Variants in SEC24D observed in about 807,000 individuals in gnomAD.
SEC24D encodes protein transport protein Sec24D.
A neutral mutation model predicts 116.9 loss-of-function variants in SEC24D; 69 were observed. That is an observed-to-expected ratio of 0.59 (90% CI 0.49 to 0.72). The LOEUF (loss-of-function observed/expected upper bound fraction) is 0.72, where lower values mean the gene tolerates loss of function less well. Among genes scored for constraint, SEC24D ranks in the 30% least tolerant of loss-of-function variants. SEC24D has a pLI of 0.00. For missense variants in SEC24D, 1,131 were observed against 1,264.1 expected (o/e 0.89, Z 1.60); for synonymous variants, 405 against 442.8 (o/e 0.91, Z 1.07).
chr4:118,819,951 C>CT (rs1730326751), intron 3 of SEC24D, among the ~76,000 whole-genome samples: 1 of 152,206 alleles, frequency 6.6e-6, no homozygotes, highest in Admixed American at 6.5e-5. Context: ...GATTCAGTGC[C>CT]TAACATATAC....
chr4:118,762,795 G>GTTCC (rs2110468233), intron 10 of SEC24D, among the ~76,000 whole-genome samples: 1 of 152,196 alleles, frequency 6.6e-6, no homozygotes, highest in Admixed American at 6.5e-5. Context: ...TTTTTATTTG[G>GTTCC]TTCCTTGCCT....
chr4:118,822,061 T>C (rs1672704128), intron 3 of SEC24D, among the ~76,000 whole-genome samples: 1 of 152,146 alleles, frequency 6.6e-6, no homozygotes, highest in Admixed American at 6.5e-5. Flanking sequence ...TAGATTGAGC[T>C]CGAAGGACAG....
intron 7 of SEC24D, among the ~76,000 whole-genome samples, chr4:118,804,002 T>C (rs1422300671): frequency 6.6e-6 from 1 of 152,190 alleles, no homozygotes; most frequent in Non-Finnish European, 1.5e-5. Flanking sequence ...AAACATTTTC[T>C]GGATGTATGC....
In SEC24D at chr4:118,729,585, G is replaced by C. The variant is rs115168170; in HGVS notation, c.2869-935C>G. The C allele has an allele frequency of 2.0e-3, 309 of 152,324 alleles. 1 individual carries two copies. The highest frequency in any genetic ancestry group is 7.0e-3 in the African/African-American group (292 of 41,572). The allele number at this position is 152,324 out of a possible 1,614,324, so 9.4% of individuals were successfully genotyped here. The stretch of plus-strand genomic sequence containing the variant: ...GTTGATTTCTCAAAGGGAATGCAGC[G>C]TCTTAGATAGCCCAGAAATCTGGTT... On this transcript the variant is annotated intron_variant, in intron 21 of 22. Transcript: ENST00000280551.
chr4:118,772,781 G>C (rs1227374925), intron 8 of SEC24D, among the ~76,000 whole-genome samples: 1 of 152,168 alleles, frequency 6.6e-6, no homozygotes, highest in East Asian at 1.9e-4. Flanking sequence ...CTGCGATGAA[G>C]AAAAATGATT....
At chr4:118,822,522 T>C (rs997731176) in intron 3 of SEC24D, among the ~76,000 whole-genome samples, 3 of 152,178 alleles carry the variant, frequency 2.0e-5, no homozygotes, top group Admixed American at 1.3e-4. Context: ...TGTTCAATCT[T>C]TGCACTTCTT....
At chr4:118,823,316 G>A (rs1266910703) in intron 3 of SEC24D, among the ~76,000 whole-genome samples, 1 of 152,138 alleles carries the variant, frequency 6.6e-6, no homozygotes, top group African/African-American at 2.4e-5. Flanking sequence ...ACAAACAAGA[G>A]CCAGCCAGTG....
rs1464197046 is a variant in SEC24D at position 118,824,720 on chromosome 4, C to T, written c.148G>A (p.Ala50Thr). ...GGCAACATTCCCCTAGTGGCGGTGG[C>T]CCCCAAAGGCCCTGCTGGCTTCATC... Reference protein sequence around the residue: ...GMMKPAGPLGATATRGMLPPG... With the variant: ...GMMKPAGPLGTTATRGMLPPG... The change falls in exon 3 of 23, where the codon GCC becomes ACC. Residue 50 changes from alanine (A) to threonine (T), a missense_variant. Coordinates refer to ENST00000280551, the MANE Select transcript of SEC24D (RefSeq NM_014822.4). 2 of 1,603,640 alleles carry T rather than the reference C, an allele frequency of 1.2e-6. No individual in the cohort carries two copies. Among genetic ancestry groups the T allele is most frequent in the Non-Finnish European group, 1.7e-6 (2 of 1,176,032 alleles).
chr4:118,743,473 A>G (rs895673616), intron 15 of SEC24D, among the ~76,000 whole-genome samples: 1 of 152,126 alleles, frequency 6.6e-6, no homozygotes, highest in Non-Finnish European at 1.5e-5. Context: ...AAAATGGCAT[A>G]TTTGCATATA....
intron 8 of SEC24D, among the ~76,000 whole-genome samples, chr4:118,786,037 G>C (rs745341693): frequency 4.6e-5 from 7 of 152,210 alleles, no homozygotes; most frequent in Non-Finnish European, 1.0e-4. Context: ...GTTAAGGGAT[G>C]TTATTGTAAT....
intron 19 of SEC24D, among the ~76,000 whole-genome samples, chr4:118,734,361 T>C (rs915330585): frequency 2.6e-5 from 4 of 151,774 alleles, no homozygotes; most frequent in African/African-American, 9.7e-5. Flanking sequence ...TACAGGCATG[T>C]ACCACCACAC....
Position 118,833,654 on chromosome 4 carries a change from G to A in SEC24D, c.43C>T (p.Pro15Ser), listed in dbSNP as rs1198905334. ...GGAGAAAGGCCTATTCCAGGCTGAG[G>A]CTGAGAATACGGAGGTGTAGCCACG... Reference protein sequence around the residue: ...GYVATPPYSQPQPGIGLSPPH... With the variant: ...GYVATPPYSQSQPGIGLSPPH... Residue 15 changes from proline (P) to serine (S), a missense_variant, in exon 2 of 23, where the codon CCT (proline) becomes TCT (serine). Coordinates refer to ENST00000280551, the MANE Select transcript of SEC24D (RefSeq NM_014822.4). 2 of 1,614,046 alleles carry A rather than the reference G, an allele frequency of 1.2e-6. No individual in the cohort carries two copies. Among genetic ancestry groups the A allele is most frequent in the East Asian group, 2.2e-5 (1 of 44,854 alleles).
rs1128403 is a variant in SEC24D, at chr4:118,738,363, G to A, written c.2394C>T (p.Leu798=). 15,966 of 1,610,758 alleles carry A rather than the reference G, an allele frequency of 9.9e-3. 552 individuals are homozygous for A. In the African/African-American group the frequency reaches 0.11, roughly 12 times the overall value. ...CCCGGATGACCTTCAAAGGCTGGTG[G>A]AGAACTGCTTTAAAAGCTACATCAC... is the stretch of plus-strand genomic sequence containing the variant. ...FFAKSAFKAV[L]HQPLKVIREI... The change falls in exon 19 of 23, where the codon CTC becomes CTT. Residue 798 remains leucine (L), a synonymous_variant. Transcript: ENST00000280551.
At chr4:118,746,545 T>G (rs1298384148) in intron 13 of SEC24D, among the ~76,000 whole-genome samples, 1 of 151,950 alleles carries the variant, frequency 6.6e-6, no homozygotes, top group Non-Finnish European at 1.5e-5. Flanking sequence ...ATCTTTCCAG[T>G]CTTATTTCCA....
At chr4:118,829,824 A>G (rs933592379) in intron 2 of SEC24D, among the ~76,000 whole-genome samples, 3 of 152,276 alleles carry the variant, frequency 2.0e-5, no homozygotes, top group South Asian at 4.1e-4. Context: ...AAAAAAAAAA[A>G]GTGTTAGTAT....
intron 11 of SEC24D, chr4:118,753,960 A>G (rs1726959435): frequency 6.6e-6 from 1 of 152,182 alleles, no homozygotes; most frequent in Admixed American, 6.6e-5. Flanking sequence ...ACTTGAGTAC[A>G]AGGGAGAGGA....
intron 14 of SEC24D, among the ~76,000 whole-genome samples, chr4:118,744,714 C>T (rs1045845291): frequency 2.6e-5 from 4 of 152,202 alleles, no homozygotes; most frequent in African/African-American, 9.7e-5. Context: ...CATGAGCCAC[C>T]GCGCCCAGCC....
chr4:118,769,865 A>G (rs1462022882), intron 8 of SEC24D: 1 of 152,158 alleles, frequency 6.6e-6, no homozygotes, highest in Non-Finnish European at 1.5e-5. Flanking sequence ...GGTTGTGACA[A>G]GGATTAGGTG....
intron 22 of SEC24D, among the ~76,000 whole-genome samples, chr4:118,727,076 C>T (rs972436075): frequency 6.6e-6 from 1 of 152,146 alleles, no homozygotes; most frequent in South Asian, 2.1e-4. Flanking sequence ...TTGTGAGACC[C>T]GGACCAAGCT....
Sources: allele counts gnomAD v4.1 joint callset (sites outside exome capture counted in the v4.1 genomes callset), GRCh38; gene constraint gnomAD v4.1.1; transcripts MANE v1.5; gene names NCBI Gene and HGNC (gene_info 2026-07-23, HGNC 2026-07-21).